The following SLC2A13 variants were observed in gnomAD, a reference collection of about 807,000 sequenced individuals.
The protein encoded by SLC2A13 is solute carrier family 2 member 13, also known as proton myo-inositol cotransporter.
A neutral mutation model predicts 64.4 loss-of-function variants in SLC2A13; 32 were observed. The ratio of observed to expected loss-of-function variants is 0.50; its 90% CI spans 0.37 to 0.67. The LOEUF (loss-of-function observed/expected upper bound fraction) is 0.67. Ranked by LOEUF, SLC2A13 falls within the 30% of genes least tolerant of loss-of-function variation. The pLI is 0.00. For synonymous variants in SLC2A13, 338 were observed against 327.1 expected (o/e 1.03, Z -0.36); for missense variants, 743 against 829.2 (o/e 0.90, Z 1.28).
intron 6 of SLC2A13, among the ~76,000 whole-genome samples, chr12:39,832,103 A>G (rs1942868349): frequency 6.6e-6 from 1 of 152,138 alleles, no homozygotes; most frequent in Non-Finnish European, 1.5e-5. Flanking sequence ...GAGGCCATTC[A>G]AATGTACTGA....
chr12:40,058,494 C>T (rs1370611082), intron 1 of SLC2A13, among the ~76,000 whole-genome samples: 1 of 151,958 alleles, frequency 6.6e-6, no homozygotes, highest in Non-Finnish European at 1.5e-5. Flanking sequence ...TATCACCTGG[C>T]TTTCATCATA....
chr12:39,914,723 T>C (rs1473852704), intron 4 of SLC2A13, among the ~76,000 whole-genome samples: 1 of 151,850 alleles, frequency 6.6e-6, no homozygotes, highest in Non-Finnish European at 1.5e-5. Flanking sequence ...TGGAAAATGA[T>C]AGACTATTTA....
At chr12:40,090,853 C>T (rs1313266249) in intron 1 of SLC2A13, among the ~76,000 whole-genome samples, 1 of 152,084 alleles carries the variant, frequency 6.6e-6, no homozygotes, top group African/African-American at 2.4e-5. Flanking sequence ...TTTATATTAT[C>T]TATGAAGAAG....
chr12:39,943,443 A>G (rs930036455), intron 4 of SLC2A13, among the ~76,000 whole-genome samples: 1 of 152,198 alleles, frequency 6.6e-6, no homozygotes, highest in Non-Finnish European at 1.5e-5. Context: ...TCTTTCAGAG[A>G]GGCCCTGCCC....
Position 40,066,192 on chromosome 12 carries a change from C to A in SLC2A13, c.557-17982G>T, listed in dbSNP as rs541165554. 5.9e-5 allele frequency among the ~76,000 whole-genome samples: 9 copies of A among 152,264 alleles called. No individual in the cohort carries two copies. The East Asian group carries it at 1.5e-3, about 26-fold the overall frequency. ...CACTCTCTCCAGGCAAAGAGGTCAACCAGAAAGCTTCAGGCCTGCATCTCA... is the reference window on the plus strand; with the variant it reads ...CACTCTCTCCAGGCAAAGAGGTCAAACAGAAAGCTTCAGGCCTGCATCTCA... On this transcript the variant is annotated intron_variant, in intron 1 of 9. Coordinates refer to ENST00000280871, the MANE Select transcript of SLC2A13 (RefSeq NM_052885.4).
intron 3 of SLC2A13, among the ~76,000 whole-genome samples, chr12:39,975,051 T>C (rs530595397): frequency 7.2e-5 from 11 of 152,326 alleles, no homozygotes; most frequent in South Asian, 2.1e-4. Flanking sequence ...AATGTTTTAA[T>C]GTTACATGAG....
intron 1 of SLC2A13, among the ~76,000 whole-genome samples, chr12:40,059,651 C>A (rs1227064793): frequency 6.6e-6 from 1 of 152,152 alleles, no homozygotes; most frequent in Non-Finnish European, 1.5e-5. Context: ...CCTCCAGGAA[C>A]CTCCATGTGT....
chr12:39,885,517 T>C (rs928336497), intron 4 of SLC2A13, among the ~76,000 whole-genome samples: 1 of 152,158 alleles, frequency 6.6e-6, no homozygotes, highest in African/African-American at 2.4e-5. Context: ...TTACCTGTTC[T>C]AGACATCAAA....
At chr12:39,896,265 T>C (rs570694188) in intron 4 of SLC2A13, among the ~76,000 whole-genome samples, 3 of 139,312 alleles carry the variant, frequency 2.2e-5, no homozygotes, top group East Asian at 2.3e-4. Flanking sequence ...TGTATATGTG[T>C]GTATATATGT....
intron 6 of SLC2A13, among the ~76,000 whole-genome samples, chr12:39,858,973 G>A (rs1195698857): frequency 6.6e-6 from 1 of 152,108 alleles, no homozygotes; most frequent in African/African-American, 2.4e-5. Context: ...CAGTGCTCAT[G>A]TTAATGATGC....
rs1191734564 is a variant in SLC2A13, at chr12:39,821,178, C to T, written c.1445+8925G>A. On this transcript the variant is annotated intron_variant, in intron 7 of 9. Transcript: ENST00000280871. Reference sequence around the variant, plus strand: ...CCTGTAATCCCAGCACTTTCGGAGACCAAGGCGGGCGGATCATGAGGTCAG... The same window carrying T: ...CCTGTAATCCCAGCACTTTCGGAGATCAAGGCGGGCGGATCATGAGGTCAG... Among the ~76,000 whole-genome samples, 5 of 152,066 alleles carry T rather than the reference C, an allele frequency of 3.3e-5. No homozygotes were observed. In the East Asian group the frequency reaches 7.7e-4, roughly 24 times the overall value.
intron 4 of SLC2A13, among the ~76,000 whole-genome samples, chr12:39,882,903 T>C (rs1944378588): frequency 6.6e-6 from 1 of 152,212 alleles, no homozygotes; most frequent in African/African-American, 2.4e-5. Context: ...TTTCTATTTC[T>C]ATCATATTTC....
rs908288174 is a variant in SLC2A13 at position 39,756,916 on chromosome 12, A to C, written c.*3110T>G. 8 of 151,584 alleles carry C rather than the reference A, an allele frequency of 5.3e-5. No homozygotes were observed. Among genetic ancestry groups the C allele is most frequent in the Non-Finnish European group, 1.0e-4 (7 of 67,660 alleles). The allele number at this position is 151,584 out of a possible 1,614,324, so 9.4% of individuals were successfully genotyped here. ...TCATAGCATTTTGTATCAGGGAACTACTGTGTATGGCTGGGAACAAAATTT... is the reference window on the plus strand; with the variant it reads ...TCATAGCATTTTGTATCAGGGAACTCCTGTGTATGGCTGGGAACAAAATTT... On this transcript the variant is annotated 3_prime_UTR_variant, in exon 10 of 10. Coordinates refer to ENST00000280871, the MANE Select transcript of SLC2A13 (RefSeq NM_052885.4).
rs560354147 is a variant in SLC2A13 at position 39,777,774 on chromosome 12, G to A, written c.1446-12916C>T. Reference sequence around the variant, plus strand: ...TGAGTGGCAGAATGACATGGAGTTTGGCTGGGGCAGTCGGATGAGAGCCCA... The same window carrying A: ...TGAGTGGCAGAATGACATGGAGTTTAGCTGGGGCAGTCGGATGAGAGCCCA... On this transcript the variant is annotated intron_variant, in intron 7 of 9. Transcript: ENST00000280871. Among the ~76,000 whole-genome samples, 5 of 152,332 alleles carry A rather than the reference G, an allele frequency of 3.3e-5. No individual in the cohort carries two copies. The South Asian group carries it at 1.0e-3, about 32-fold the overall frequency.
chr12:39,909,342 G>A (rs1945369502), intron 4 of SLC2A13, among the ~76,000 whole-genome samples: 1 of 151,838 alleles, frequency 6.6e-6, no homozygotes, highest in African/African-American at 2.4e-5. Context: ...TTTACAATGG[G>A]ACTAGCAAAT....
intron 4 of SLC2A13, among the ~76,000 whole-genome samples, chr12:39,918,225 G>A (rs1478016224): frequency 6.6e-6 from 1 of 152,054 alleles, no homozygotes; most frequent in African/African-American, 2.4e-5. Context: ...ACACCCAGAG[G>A]GTTACAACCT....
chr12:40,016,119 T>C (rs1947616384), intron 3 of SLC2A13, among the ~76,000 whole-genome samples: 1 of 152,170 alleles, frequency 6.6e-6, no homozygotes, highest in South Asian at 2.1e-4. Flanking sequence ...AAATGTCACC[T>C]GCATGGTTAT....
chr12:40,004,148 G>A (rs114117277), intron 3 of SLC2A13, among the ~76,000 whole-genome samples: 384 of 152,164 alleles, frequency 2.5e-3, no homozygotes, highest in African/African-American at 8.9e-3. Flanking sequence ...AAGTATATGG[G>A]AAGATGTACA....
chr12:40,093,825 A>G (rs1938845159), intron 1 of SLC2A13, among the ~76,000 whole-genome samples: 1 of 152,114 alleles, frequency 6.6e-6, no homozygotes, highest in African/African-American at 2.4e-5. Context: ...GGGGATGGGG[A>G]AAGATCCCAT....
Sources: gnomAD v4.1 joint callset for allele counts (sites outside exome capture counted in the v4.1 genomes callset) on GRCh38, gnomAD v4.1.1 for gene constraint, MANE v1.5 for transcripts, NCBI Gene and HGNC (gene_info 2026-07-23, HGNC 2026-07-21) for gene names.